SLC24A4: variants seen among roughly 807,000 people sequenced by gnomAD.
SLC24A4 encodes the protein sodium/potassium/calcium exchanger 4.
SLC24A4 carries 53 observed loss-of-function variants against 79.0 expected under a neutral mutation model. The observed-to-expected ratio is 0.67, with a 90% CI of 0.54 to 0.84. SLC24A4 has a LOEUF of 0.84. SLC24A4 is among the 40% of genes least tolerant of loss of function. SLC24A4 has a pLI of 0.00. For missense variants in SLC24A4, 731 were observed against 822.0 expected, an observed-to-expected ratio of 0.89 and a Z score of 1.35; for synonymous variants, 323 against 323.8, an observed-to-expected ratio of 1.00 and a Z score of 0.03.
chr14:92,394,359 G>T (rs940408827), intron 2 of SLC24A4, among the ~76,000 whole-genome samples: 4 of 152,130 alleles, frequency 2.6e-5, no homozygotes, highest in African/African-American at 9.7e-5. Context: ...GCTTTGGGAG[G>T]CTGAGGCAGG....
chr14:92,461,735 G>A (rs1893821314), intron 12 of SLC24A4, among the ~76,000 whole-genome samples: 1 of 152,210 alleles, frequency 6.6e-6, no homozygotes, highest in Non-Finnish European at 1.5e-5. Flanking sequence ...GAATAATTCA[G>A]TTCATGGCAG....
chr14:92,344,375 G>A (rs1436046937), intron 2 of SLC24A4, among the ~76,000 whole-genome samples: 2 of 152,176 alleles, frequency 1.3e-5, no homozygotes, highest in Admixed American at 6.5e-5. Flanking sequence ...GATATTTGGG[G>A]GATTGTTTGT....
chr14:92,342,989 A>G (rs1886252348), intron 2 of SLC24A4, among the ~76,000 whole-genome samples: 1 of 152,226 alleles, frequency 6.6e-6, no homozygotes, highest in African/African-American at 2.4e-5. Flanking sequence ...TGGCCTGTGT[A>G]GAGCTGTAGG....
At chr14:92,460,042 G>A (rs531158094) in intron 12 of SLC24A4, among the ~76,000 whole-genome samples, 74 of 152,310 alleles carry the variant, frequency 4.9e-4, no homozygotes, top group African/African-American at 1.5e-3. Flanking sequence ...GCCAGGGGCC[G>A]CGGGAAGAGG....
chr14:92,323,718 G>C lies in SLC24A4; in HGVS notation c.-113G>C, dbSNP rs1190882504. On this transcript the variant is annotated 5_prime_UTR_variant, in exon 1 of 17. Coordinates refer to ENST00000532405, the MANE Select transcript of SLC24A4 (RefSeq NM_153646.4). This position sits in a 1 kb window ranked among gnomAD's most constrained non-coding sequence, Gnocchi z 4.9. ...ATGAGGCTTTGGCCCGGAGCTCCTC[G>C]CCTCTGAGTCGCGCACCGCCTGCTC... 7.4e-7 allele frequency: 1 copy of C among 1,348,950 alleles called. No homozygotes were observed. Among genetic ancestry groups the C allele is most frequent in the African/African-American group, 1.5e-5 (1 of 66,290 alleles). The allele number at this position is 1,348,950 out of a possible 1,614,324, so 83.6% of individuals were successfully genotyped here.
intron 2 of SLC24A4, among the ~76,000 whole-genome samples, chr14:92,331,173 C>T (rs1595123988): frequency 6.6e-6 from 1 of 152,214 alleles, no homozygotes; most frequent in Admixed American, 6.5e-5. Context: ...CTTGTCATCG[C>T]CACCTTCACA....
chr14:92,438,248 G>A (rs533496217), intron 3 of SLC24A4, among the ~76,000 whole-genome samples: 9 of 152,250 alleles, frequency 5.9e-5, no homozygotes, highest in South Asian at 4.1e-4. Context: ...TTGCTAGAGC[G>A]GCTCGCAGAA....
At chr14:92,339,025 G>A (rs1337974392) in intron 2 of SLC24A4, among the ~76,000 whole-genome samples, 1 of 152,186 alleles carries the variant, frequency 6.6e-6, no homozygotes, top group Non-Finnish European at 1.5e-5. Flanking sequence ...TCTCTCCCTG[G>A]CTGGCCCCTC....
intron 4 of SLC24A4, 78 bp from the exon 5 acceptor site, chr14:92,442,011 T>G (rs1892526000): frequency 4.3e-6 from 5 of 1,164,168 alleles, no homozygotes; most frequent in Non-Finnish European, 6.4e-6. Context: ...TCCTGCATGC[T>G]CCTTGGCTGT....
At chr14:92,491,941 C>T (rs1895696212) in intron 15 of SLC24A4, among the ~76,000 whole-genome samples, 164 bp downstream of exon 15, 1 of 152,178 alleles carries the variant, frequency 6.6e-6, no homozygotes, top group Admixed American at 6.5e-5. Flanking sequence ...TCTACACTTC[C>T]ACTCCTCACC....
chr14:92,444,422 G>A (rs573993018), intron 7 of SLC24A4, among the ~76,000 whole-genome samples: 2 of 152,268 alleles, frequency 1.3e-5, no homozygotes, highest in South Asian at 2.1e-4. Flanking sequence ...TGTTGATGAT[G>A]TGATTTTCCA....
At chr14:92,469,855 T>C (rs914683132) in intron 12 of SLC24A4, among the ~76,000 whole-genome samples, 2 of 152,110 alleles carry the variant, frequency 1.3e-5, no homozygotes, top group Admixed American at 1.3e-4. Context: ...ACGCCCAGAA[T>C]AGTCAAATCT....
intron 2 of SLC24A4, among the ~76,000 whole-genome samples, chr14:92,388,541 G>T (rs183408079): frequency 6.6e-6 from 1 of 152,176 alleles, no homozygotes; most frequent in East Asian, 1.9e-4. Flanking sequence ...AGCTGCCCAC[G>T]GCCTGGTTCG....
rs1893004707 is a variant in SLC24A4 at position 92,449,315 on chromosome 14, C to T, written c.880+99C>T. ...ACACACACACACACACACACACACA[C>T]ACACACACCCTCTCACAATGTCCCC... On this transcript the variant is annotated intron_variant, in intron 10 of 16. Transcript: ENST00000532405. The T allele has an allele frequency of 2.3e-6, 3 of 1,330,816 alleles. No individual in the cohort carries two copies. In the South Asian group the frequency reaches 4.2e-5, roughly 18 times the overall value. The allele number at this position is 1,330,816 out of a possible 1,614,324, so 82.4% of individuals were successfully genotyped here. A position where few individuals can be genotyped will look rare whatever the true frequency, so the allele number is the denominator to read the frequency against.
intron 12 of SLC24A4, among the ~76,000 whole-genome samples, chr14:92,482,329 T>TAAAG (rs1895108779): frequency 6.6e-6 from 1 of 152,240 alleles, no homozygotes; most frequent in African/African-American, 2.4e-5. Flanking sequence ...CTCAAGGTCC[T>TAAAG]TTGACTTCCA....
chr14:92,391,884 A>G (rs1889483518), intron 2 of SLC24A4, among the ~76,000 whole-genome samples: 1 of 152,156 alleles, frequency 6.6e-6, no homozygotes, highest in Non-Finnish European at 1.5e-5. Context: ...TGAGTGTGCC[A>G]TGGTGGGCGT....
chr14:92,476,322 C>T (rs1894761559), intron 12 of SLC24A4, among the ~76,000 whole-genome samples: 1 of 152,146 alleles, frequency 6.6e-6, no homozygotes, highest in Non-Finnish European at 1.5e-5. Flanking sequence ...GGCAGGAAAA[C>T]TTTTGGCCAT....
chr14:92,400,315 T>C (rs2141760316), intron 2 of SLC24A4, among the ~76,000 whole-genome samples: 1 of 152,000 alleles, frequency 6.6e-6, no homozygotes, highest in African/African-American at 2.4e-5. Flanking sequence ...GGCATGCGCC[T>C]GTAGTCCCAG....
chr14:92,404,386 C>G (rs539746239), intron 2 of SLC24A4, among the ~76,000 whole-genome samples: 5 of 152,306 alleles, frequency 3.3e-5, no homozygotes, highest in South Asian at 2.1e-4. Flanking sequence ...AAATTTCAAA[C>G]TCCTCTTTGT....
Sources: gnomAD v4.1 joint callset for allele counts (sites outside exome capture counted in the v4.1 genomes callset) on GRCh38, gnomAD v4.1.1 for gene constraint, Gnocchi (gnomAD v3.1) non-coding constraint, MANE v1.5 for transcripts, NCBI Gene and HGNC (gene_info 2026-07-23, HGNC 2026-07-21) for gene names.